The following INSC variants were observed in gnomAD, a reference collection of about 807,000 sequenced individuals.
INSC encodes INSC spindle orientation adaptor protein.
A neutral mutation model predicts 58.6 loss-of-function variants in INSC; 67 were observed. The observed-to-expected ratio is 1.14, with a 90% CI of 0.94 to 1.40. INSC has a LOEUF of 1.40. INSC is among the 40% of genes most tolerant of loss of function. The pLI, the probability that INSC is intolerant of heterozygous loss-of-function variation, is 0.00. For missense variants in INSC, 714 were observed against 692.0 expected (o/e 1.03, Z -0.36); for synonymous variants, 262 against 276.1 (o/e 0.95, Z 0.51).
intron 6 of INSC, among the ~76,000 whole-genome samples, chr11:15,192,396 T>TA (rs1216065784): frequency 6.6e-5 from 10 of 152,200 alleles, no homozygotes; most frequent in Non-Finnish European, 1.5e-4. Flanking sequence ...TCTGTATTCT[T>TA]CTTTATTGCT....
intron 1 of INSC, among the ~76,000 whole-genome samples, chr11:15,126,385 C>T (rs995858624): frequency 6.6e-6 from 1 of 152,168 alleles, no homozygotes; most frequent in African/African-American, 2.4e-5. Flanking sequence ...AACTCGAAGC[C>T]ACCTTTGAGC....
chr11:15,111,998 G>T (rs965579810), upstream of INSC, among the ~76,000 whole-genome samples: 1 of 152,186 alleles, frequency 6.6e-6, no homozygotes, highest in African/African-American at 2.4e-5. Flanking sequence ...TTAATGATTA[G>T]AATGTATATT....
At chr11:15,154,618 G>A (rs894976989) in intron 2 of INSC, among the ~76,000 whole-genome samples, 1 of 152,140 alleles carries the variant, frequency 6.6e-6, no homozygotes, top group African/African-American at 2.4e-5. Flanking sequence ...AGTGCAGTGG[G>A]GAGCATGGAT....
At chr11:15,223,165 T>C (rs1253360287) in intron 8 of INSC, among the ~76,000 whole-genome samples, 2 of 152,226 alleles carry the variant, frequency 1.3e-5, no homozygotes, top group African/African-American at 4.8e-5. Flanking sequence ...GGGAAAGGCA[T>C]AGACTTTTAA....
At chr11:15,262,746 A>T in the INSC span, among the ~76,000 whole-genome samples, 1 of 151,972 alleles carries the variant, frequency 6.6e-6, no homozygotes, top group Non-Finnish European at 1.5e-5. Flanking sequence ...AGTTGAAAGC[A>T]CAGTTCTCTA....
chr11:15,214,144 G>C (rs1851128399), intron 7 of INSC, among the ~76,000 whole-genome samples: 1 of 152,132 alleles, frequency 6.6e-6, no homozygotes, highest in Non-Finnish European at 1.5e-5. Context: ...TGTGACCCTT[G>C]CTCCCCTTTC....
At position 15,238,969 on chromosome 11, in the gene INSC, C is replaced by T. The variant is rs764430228; in HGVS notation, c.1288C>T (p.Pro430Ser). The change falls in exon 11 of 13, where the codon CCT becomes TCT. Residue 430 changes from proline (P) to serine (S), a missense_variant. Coordinates refer to ENST00000379556, the MANE Select transcript of INSC (RefSeq NM_001042536.3). ...MLSEKPRSGT[P>S]AEVAACERVQ... ...GTCTGAAAAACCAAGGTCTGGGACT[C>T]CTGCTGAAGTGGCAGCCTGTGAGCG... 1 of 1,614,194 alleles carries T rather than the reference C, an allele frequency of 6.2e-7. No individual in the cohort carries two copies. Among genetic ancestry groups the T allele is most frequent in the South Asian group, 1.1e-5 (1 of 91,084 alleles).
intron 2 of INSC, among the ~76,000 whole-genome samples, chr11:15,156,722 C>T (rs1363071520): frequency 2.0e-5 from 3 of 152,340 alleles, no homozygotes; most frequent in Middle Eastern, 3.4e-3. Flanking sequence ...AATCATCAAA[C>T]CACAGTGAGG....
At chr11:15,113,439 G>A (rs201042348), upstream of INSC, among the ~76,000 whole-genome samples, 7 of 152,220 alleles carry the variant, frequency 4.6e-5, no homozygotes, top group East Asian at 5.8e-4. Context: ...GATTACAGGC[G>A]TGAGCCACCA....
At chr11:15,138,322 A>G (rs1353821452) in intron 1 of INSC, among the ~76,000 whole-genome samples, 1 of 152,234 alleles carries the variant, frequency 6.6e-6, no homozygotes, top group Non-Finnish European at 1.5e-5. Flanking sequence ...CTACTGGAAA[A>G]TTGGCACTGA....
At chr11:15,122,322 G>T (rs1289928492) in intron 1 of INSC, among the ~76,000 whole-genome samples, 1 of 152,180 alleles carries the variant, frequency 6.6e-6, no homozygotes, top group African/African-American at 2.4e-5. Context: ...AGAAGAAAGA[G>T]CCTGGAGATT....
At position 15,188,404 on chromosome 11, in the gene INSC, G is replaced by A. The variant is rs1056728927; in HGVS notation, c.580-2297G>A. The A allele has an allele frequency of 1.1e-5, 11 of 972,510 alleles. No individual in the cohort carries two copies. The African/African-American group carries it at 1.8e-4, about 15-fold the overall frequency. The allele number at this position is 972,510 out of a possible 1,614,324, so 60.2% of individuals were successfully genotyped here. On this transcript the variant is annotated intron_variant, in intron 5 of 12. Coordinates refer to ENST00000379556, the MANE Select transcript of INSC (RefSeq NM_001042536.3). ...AAAAATGGGATGTCAAATTCAGAGG[G>A]GTCAGGGCCCGGCTCCTCCCAAGAC...
chr11:15,240,563 C>A, intron 12 of INSC, 40 bp downstream of exon 12: 1 of 1,560,536 alleles, frequency 6.4e-7, no homozygotes, highest in Non-Finnish European at 8.8e-7. Flanking sequence ...CCCTGGCCTT[C>A]GGAATGCAGC....
At chr11:15,190,939 T>C (rs565089077) in intron 6 of INSC, 125 bp downstream of exon 6, 45 of 653,712 alleles carry the variant, frequency 6.9e-5, no homozygotes, top group African/African-American at 5.6e-4. Flanking sequence ...TGAGTCTCCT[T>C]GGGAGAGTCA....
rs62622827 is a variant in INSC at position 15,246,275 on chromosome 11, G to A, written c.*235G>A. 0.018 allele frequency: 6,202 copies of A among 349,946 alleles called. 60 individuals carry two copies. Among genetic ancestry groups the A allele is most frequent in the Middle Eastern group, 0.037 (45 of 1,220 alleles). 21.7% of individuals were successfully genotyped at this position (349,946 alleles called of 1,614,324 possible). ...TTTCTGTAGCTTTTCAGTTGCAGAT[G>A]TTGAAATTCGTAATGACAAATATGA... On this transcript the variant is annotated 3_prime_UTR_variant, in exon 13 of 13. Transcript: ENST00000379556.
chr11:15,161,055 G>A (rs1849000700), intron 2 of INSC, among the ~76,000 whole-genome samples: 2 of 152,230 alleles, frequency 1.3e-5, no homozygotes, highest in Non-Finnish European at 2.9e-5. Flanking sequence ...TAGTGTGCTT[G>A]GAACTATGCT....
chr11:15,215,276 A>T (rs1851171584), intron 7 of INSC, among the ~76,000 whole-genome samples: 1 of 152,236 alleles, frequency 6.6e-6, no homozygotes, highest in South Asian at 2.1e-4. Flanking sequence ...AGGGATGTGA[A>T]AGTGCTTTGA....
At chr11:15,201,770 C>G (rs1792582) in intron 7 of INSC, among the ~76,000 whole-genome samples, 151,728 of 152,268 alleles carry the variant, frequency 1, 75,598 homozygotes, top group Middle Eastern at 1. Context: ...GTACGTCCTG[C>G]TACTATGGTG....
At chr11:15,146,518 C>T (rs1035274341) in intron 1 of INSC, among the ~76,000 whole-genome samples, 3 of 152,152 alleles carry the variant, frequency 2.0e-5, no homozygotes, top group Admixed American at 2.0e-4. Context: ...CTGGCAGCTC[C>T]CCCTGCATAA....
Sources: allele counts gnomAD v4.1 joint callset (sites outside exome capture counted in the v4.1 genomes callset), GRCh38; gene constraint gnomAD v4.1.1; transcripts MANE v1.5; gene names NCBI Gene and HGNC (gene_info 2026-07-23, HGNC 2026-07-21).